RAB3IP: variants seen among roughly 807,000 people sequenced by gnomAD.
RAB3IP encodes the protein rab-3A-interacting protein.
Under a neutral mutation model 59.1 loss-of-function variants are expected in RAB3IP, and 36 were observed. The ratio of observed to expected loss-of-function variants is 0.61; its 90% CI spans 0.47 to 0.80. The LOEUF is 0.80. Among genes scored for constraint, RAB3IP ranks in the 30% least tolerant of loss-of-function variants. The pLI, the probability that RAB3IP is intolerant of heterozygous loss-of-function variation, is 0.00. For missense variants in RAB3IP, 511 were observed against 536.0 expected (o/e 0.95, Z 0.46); for synonymous variants, 207 against 191.2 (o/e 1.08, Z -0.68).
intron 3 of RAB3IP, among the ~76,000 whole-genome samples, chr12:69,762,495 C>A (rs530071794): frequency 6.6e-6 from 1 of 152,090 alleles, no homozygotes. Flanking sequence ...AAGTGGCTCA[C>A]GCCTGTAGTC....
In RAB3IP at chr12:69,820,867, A is replaced by AAAC. The variant is rs1202772302; in HGVS notation, c.*5423_*5424insCAA. The AAAC allele has an allele frequency of 4.0e-5, 6 of 151,704 alleles. No homozygotes were observed. Among genetic ancestry groups the AAAC allele is most frequent in the Admixed American group, 1.3e-4 (2 of 15,214 alleles). The allele number at this position is 151,704 out of a possible 1,614,324, so 9.4% of individuals were successfully genotyped here. The stretch of plus-strand genomic sequence containing the variant: ...GAGTGAAACTCCGTCTGAAAAAAAA[A>AAAC]AAAAAAAACCCAAACTCAATAGAAA... On this transcript the variant is annotated 3_prime_UTR_variant, in exon 11 of 11. Transcript: ENST00000247833.
chr12:69,791,710 G>T (rs933535598), intron 4 of RAB3IP, among the ~76,000 whole-genome samples: 2 of 152,140 alleles, frequency 1.3e-5, no homozygotes, highest in African/African-American at 4.8e-5. Flanking sequence ...GTCCACTATT[G>T]GTGGGAATGT....
At chr12:69,775,410 C>G (rs1420916151) in intron 3 of RAB3IP, among the ~76,000 whole-genome samples, 1 of 139,386 alleles carries the variant, frequency 7.2e-6, no homozygotes, top group Non-Finnish European at 1.5e-5. Flanking sequence ...TTATTTCCTT[C>G]TTCTGCCTGA....
rs576130951 is a variant in RAB3IP, at chr12:69,809,520, G to A, written c.1131-3258G>A. Among the ~76,000 whole-genome samples the A allele has an allele frequency of 1.8e-3, 273 of 152,256 alleles. 1 individual carries two copies. Among genetic ancestry groups the A allele is most frequent in the African/African-American group, 5.5e-3 (228 of 41,552 alleles). On this transcript the variant is annotated intron_variant, in intron 8 of 10. Transcript: ENST00000247833. ...TTTCCAACTTGGTTCCATTCTCCCCGTCACTTTCAGGTACACCAATCAGAC... is the reference window on the plus strand; with the variant it reads ...TTTCCAACTTGGTTCCATTCTCCCCATCACTTTCAGGTACACCAATCAGAC...
At chr12:69,800,888 C>T (rs17225645) in intron 7 of RAB3IP, among the ~76,000 whole-genome samples, 16,211 of 152,094 alleles carry the variant, frequency 0.11, 1,190 homozygotes, top group Non-Finnish European at 0.16. Context: ...TACAAATATC[C>T]GGTCAATTAA....
intron 1 of RAB3IP, among the ~76,000 whole-genome samples, chr12:69,741,496 G>T (rs1177236504): frequency 6.6e-6 from 1 of 152,168 alleles, no homozygotes; most frequent in Admixed American, 6.5e-5. Flanking sequence ...TGTATTTCTG[G>T]TTTAAAAATA....
chr12:69,743,462 C>T (rs1887542513), intron 1 of RAB3IP, among the ~76,000 whole-genome samples: 1 of 152,076 alleles, frequency 6.6e-6, no homozygotes, highest in Non-Finnish European at 1.5e-5. Flanking sequence ...TTTGCTATTT[C>T]CCCCATTACA....
intron 3 of RAB3IP, among the ~76,000 whole-genome samples, chr12:69,780,471 A>G (rs538864619): frequency 7.9e-5 from 12 of 152,262 alleles, no homozygotes; most frequent in African/African-American, 2.9e-4. Flanking sequence ...CAGGCAGGCA[A>G]GCTTCCCCTA....
chr12:69,773,248 G>A (rs150993595), intron 3 of RAB3IP, among the ~76,000 whole-genome samples: 115 of 152,040 alleles, frequency 7.6e-4, no homozygotes, highest in African/African-American at 2.4e-3. Context: ...ATCTTTGAGA[G>A]CTTGATTATA....
At chr12:69,792,059 A>G (rs929037623) in intron 4 of RAB3IP, among the ~76,000 whole-genome samples, 1 of 152,252 alleles carries the variant, frequency 6.6e-6, no homozygotes, top group Non-Finnish European at 1.5e-5. Flanking sequence ...AGCAAGACAG[A>G]AAGACAAATG....
At chr12:69,759,294 G>A (rs1281160990) in intron 3 of RAB3IP, among the ~76,000 whole-genome samples, 2 of 150,856 alleles carry the variant, frequency 1.3e-5, no homozygotes, top group African/African-American at 2.4e-5. Context: ...GAGAGCACAG[G>A]GTTGGGGGTA....
At chr12:69,763,142 T>G (rs1302058894) in intron 3 of RAB3IP, among the ~76,000 whole-genome samples, 3 of 152,196 alleles carry the variant, frequency 2.0e-5, no homozygotes, top group Non-Finnish European at 2.9e-5. Flanking sequence ...GCTTTTTAAA[T>G]ATTTTTTTAA....
At chr12:69,752,789 A>T (rs1440644124) in intron 1 of RAB3IP, among the ~76,000 whole-genome samples, 1 of 152,244 alleles carries the variant, frequency 6.6e-6, no homozygotes, top group Non-Finnish European at 1.5e-5. Context: ...ATGCAAACGT[A>T]ATACAAAGGT....
chr12:69,765,974 A>G (rs1037703139), intron 3 of RAB3IP, among the ~76,000 whole-genome samples: 16 of 152,246 alleles, frequency 1.1e-4, no homozygotes, highest in South Asian at 2.1e-4. Context: ...TAGGTCCCCA[A>G]TCTATCCTGG....
chr12:69,795,942 A>T (rs1457186860), intron 6 of RAB3IP: 1 of 152,900 alleles, frequency 6.5e-6, no homozygotes, highest in African/African-American at 2.4e-5. Flanking sequence ...CCAGTCTGTT[A>T]TTCAGACACT....
Position 69,822,395 on chromosome 12 carries a change from A to G in RAB3IP, c.*6949A>G, listed in dbSNP as rs1467929227. 1 of 152,128 alleles carries G rather than the reference A, an allele frequency of 6.6e-6. No individual in the cohort carries two copies. Among genetic ancestry groups the G allele is most frequent in the Non-Finnish European group, 1.5e-5 (1 of 68,060 alleles). The allele number at this position is 152,128 out of a possible 1,614,324, so 9.4% of individuals were successfully genotyped here. A position where few individuals can be genotyped will look rare whatever the true frequency, so the allele number is the denominator to read the frequency against. The stretch of plus-strand genomic sequence containing the variant: ...ATCTCTCTGAGTTAAATGGGATTGT[A>G]TCATGCCCCACACCCAAGCAGATAG... On this transcript the variant is annotated 3_prime_UTR_variant, in exon 11 of 11. Coordinates refer to ENST00000247833, the MANE Select transcript of RAB3IP (RefSeq NM_022456.5).
chr12:69,781,600 A>G (rs929774196), intron 3 of RAB3IP, among the ~76,000 whole-genome samples: 2 of 152,132 alleles, frequency 1.3e-5, no homozygotes, highest in African/African-American at 4.8e-5. Context: ...CCTTTTCCAG[A>G]TTGTCATAGA....
intron 3 of RAB3IP, among the ~76,000 whole-genome samples, chr12:69,760,656 GAT>G (rs1301859651): frequency 6.6e-6 from 1 of 151,778 alleles, no homozygotes; most frequent in Non-Finnish European, 1.5e-5. Context: ...GTTTTTGAAA[GAT>G]ATTTTCACTG....
rs757929150 is a variant in RAB3IP, at chr12:69,784,824, A to C, written c.606+9A>C. The C allele has an allele frequency of 6.5e-7, 1 of 1,541,820 alleles. No individual in the cohort carries two copies. Among genetic ancestry groups the C allele is most frequent in the Non-Finnish European group, 8.9e-7 (1 of 1,121,090 alleles). On this transcript the variant is annotated intron_variant, in intron 4 of 10. Transcript: ENST00000247833. The stretch of plus-strand genomic sequence containing the variant: ...CAGCTAGTCTATTTGAGGTTGGTCT[A>C]TTTACATCTTGGCCAACAGCAACAT...
Sources: gnomAD v4.1 joint callset for allele counts (sites outside exome capture counted in the v4.1 genomes callset) on GRCh38, gnomAD v4.1.1 for gene constraint, MANE v1.5 for transcripts, NCBI Gene and HGNC (gene_info 2026-07-23, HGNC 2026-07-21) for gene names.